PARD3: variants seen among roughly 807,000 people sequenced by gnomAD.
PARD3 encodes the protein par-3 family cell polarity regulator.
PARD3 carries 75 observed loss-of-function variants against 155.4 expected under a neutral mutation model. The observed-to-expected ratio is 0.48, with a 90% CI of 0.40 to 0.58. The LOEUF (loss-of-function observed/expected upper bound fraction) is 0.58. PARD3 is among the 20% of genes least tolerant of loss of function. The pLI is 0.00. For synonymous variants in PARD3, 576 were observed against 610.5 expected (o/e 0.94, Z 0.83); for missense variants, 1,642 against 1,721.7 (o/e 0.95, Z 0.82).
intron 20 of PARD3, among the ~76,000 whole-genome samples, chr10:34,305,985 T>A (rs969155384): frequency 4.7e-5 from 7 of 149,714 alleles, no homozygotes; most frequent in Admixed American, 2.7e-4. Context: ...TCTAAAAAAA[T>A]TTTTTTATTA....
rs765764056 is a variant in PARD3 at position 34,119,723 on chromosome 10, C to T, written c.3558G>A (p.Ala1186=). 44 of 1,611,572 alleles carry T rather than the reference C, an allele frequency of 2.7e-5. No individual in the cohort carries two copies. Among genetic ancestry groups the T allele is most frequent in the Admixed American group, 3.3e-5 (2 of 59,956 alleles). The change falls in exon 24 of 25, where the codon GCG becomes GCA. Residue 1186 remains alanine (A), a synonymous_variant. Transcript: ENST00000374788. ...ACACCGAGTGTCGCCCGCTCTGCGT[C>T]GCCGGCCGTGCGTTCGGCTGGAAGA... ...FEQPWPNARP[A]TQSGRHSVSV... is the part of the protein sequence containing the mutation.
At chr10:34,814,836 C>T in intron 1 of PARD3, 40 bp downstream of exon 1, 1 of 1,208,006 alleles carries the variant, frequency 8.3e-7, no homozygotes, top group Non-Finnish European at 1.2e-6. Context: ...GCGCCGTCCC[C>T]GCCGCCGCCC....
intron 2 of PARD3, among the ~76,000 whole-genome samples, chr10:34,547,045 A>G (rs753294820): frequency 3.9e-5 from 6 of 152,228 alleles, no homozygotes; most frequent in Middle Eastern, 3.2e-3. Flanking sequence ...ATGTTTGATA[A>G]TAAGAACACA....
At chr10:34,768,028 T>A in intron 1 of PARD3, among the ~76,000 whole-genome samples, 1 of 152,294 alleles carries the variant, frequency 6.6e-6, no homozygotes, top group East Asian at 1.9e-4. Flanking sequence ...TATGTGCAAT[T>A]TTTTCTTCTT....
At chr10:34,468,118 C>A (rs1459616870) in intron 4 of PARD3, among the ~76,000 whole-genome samples, 2 of 152,064 alleles carry the variant, frequency 1.3e-5, no homozygotes, top group Non-Finnish European at 2.9e-5. Flanking sequence ...GGAGTTCAGG[C>A]CCCTGGACTG....
intron 22 of PARD3, among the ~76,000 whole-genome samples, chr10:34,244,951 C>T (rs1953847566): frequency 6.6e-6 from 1 of 152,120 alleles, no homozygotes; most frequent in South Asian, 2.1e-4. Context: ...CCCCACAGCC[C>T]TATGTATGAG....
chr10:34,790,172 T>C (rs1157512559), intron 1 of PARD3, among the ~76,000 whole-genome samples: 1 of 152,212 alleles, frequency 6.6e-6, no homozygotes, highest in Non-Finnish European at 1.5e-5. Context: ...GTTTCTAGAC[T>C]GTAATGGGAT....
At chr10:34,432,629 G>A (rs904143413) in intron 5 of PARD3, among the ~76,000 whole-genome samples, 4 of 152,100 alleles carry the variant, frequency 2.6e-5, no homozygotes, top group African/African-American at 7.2e-5. Flanking sequence ...GGACAATGAG[G>A]TTCAGAACTG....
intron 1 of PARD3, among the ~76,000 whole-genome samples, chr10:34,707,285 T>C (rs1043146402): frequency 2.6e-5 from 4 of 151,838 alleles, no homozygotes; most frequent in Admixed American, 2.0e-4. Flanking sequence ...TGTTGGCTGT[T>C]AAAACCAAGT....
intron 2 of PARD3, among the ~76,000 whole-genome samples, chr10:34,605,486 C>A (rs1286282289): frequency 7.0e-6 from 1 of 142,170 alleles, no homozygotes; most frequent in Non-Finnish European, 1.5e-5. Context: ...AGCCACTGTG[C>A]CCTGCCAAAA....
At chr10:34,581,250 T>TTTTTTTTC (rs1302884725) in intron 2 of PARD3, among the ~76,000 whole-genome samples, 1 of 146,524 alleles carries the variant, frequency 6.8e-6, no homozygotes, top group South Asian at 2.2e-4. Context: ...TTTTTTTTTT[T>TTTTTTTTC]TTGAGACGGA....
chr10:34,161,214 C>T (rs1051413328), intron 22 of PARD3, among the ~76,000 whole-genome samples: 5 of 137,934 alleles, frequency 3.6e-5, no homozygotes, highest in Non-Finnish European at 6.1e-5. Context: ...CACTGCACTC[C>T]AGGCTGGGCA....
Position 34,284,232 on chromosome 10 carries a change from G to T in PARD3, c.3079C>A (p.Arg1027=). 2 of 1,603,812 alleles carry T rather than the reference G, an allele frequency of 1.2e-6. No individual in the cohort carries two copies. The highest frequency in any genetic ancestry group is 1.7e-6 in the Non-Finnish European group (2 of 1,174,514). The change falls in exon 21 of 25, where the codon CGA becomes AGA. Residue 1027 remains arginine, a synonymous_variant. Coordinates refer to ENST00000374788, the MANE Select transcript of PARD3 (RefSeq NM_001184785.2). The part of the protein sequence containing the change: ...LGDMFRFGKH[R]KDDKIEKTGK... ...GTTTTCTCAATCTTGTCATCTTTTC[G>T]ATGTTTGCCAAACCTGTTAATAACA...
At chr10:34,805,301 G>C (rs1209148084) in intron 1 of PARD3, among the ~76,000 whole-genome samples, 2 of 152,096 alleles carry the variant, frequency 1.3e-5, no homozygotes, top group Non-Finnish European at 2.9e-5. Flanking sequence ...AGGTTGCAGT[G>C]AGCCGAGACT....
chr10:34,655,455 T>C (rs1371875676), intron 2 of PARD3, among the ~76,000 whole-genome samples: 2 of 152,054 alleles, frequency 1.3e-5, no homozygotes, highest in African/African-American at 4.8e-5. Context: ...GGAGAGAAGT[T>C]CATGACATCA....
intron 23 of PARD3, among the ~76,000 whole-genome samples, chr10:34,127,920 A>G (rs1234229846): frequency 6.6e-6 from 1 of 152,226 alleles, no homozygotes; most frequent in Non-Finnish European, 1.5e-5. Context: ...CAAACAATAT[A>G]AGCAGATTAA....
chr10:34,740,970 A>G (rs990209254), intron 1 of PARD3, among the ~76,000 whole-genome samples: 2 of 152,194 alleles, frequency 1.3e-5, no homozygotes, highest in Non-Finnish European at 2.9e-5. Flanking sequence ...AACTTTTAAC[A>G]AAAGTATAAA....
chr10:34,579,590 G>GTC (rs1017224068), intron 2 of PARD3, among the ~76,000 whole-genome samples: 3 of 149,968 alleles, frequency 2.0e-5, no homozygotes, highest in African/African-American at 7.5e-5. Flanking sequence ...GTGTGTGTGT[G>GTC]TGTGTTTTGA....
chr10:34,592,863 A>G (rs2088848796), intron 2 of PARD3, among the ~76,000 whole-genome samples: 1 of 152,210 alleles, frequency 6.6e-6, no homozygotes, highest in Non-Finnish European at 1.5e-5. Context: ...TGACACAAAA[A>G]AGGCACAGTC....
Sources: gnomAD v4.1 joint callset for allele counts (sites outside exome capture counted in the v4.1 genomes callset) on GRCh38, gnomAD v4.1.1 for gene constraint, MANE v1.5 for transcripts, NCBI Gene and HGNC (gene_info 2026-07-23, HGNC 2026-07-21) for gene names.